Variants in FAM118A observed in about 807,000 individuals in gnomAD.
FAM118A encodes protein FAM118A.
A neutral mutation model predicts 38.2 loss-of-function variants in FAM118A; 25 were observed. That is an observed-to-expected ratio of 0.65 (90% CI 0.48 to 0.91). The LOEUF (loss-of-function observed/expected upper bound fraction) is 0.91, where lower values mean the gene tolerates loss of function less well. Among genes scored for constraint, FAM118A ranks in the 40% least tolerant of loss-of-function variants. FAM118A has a pLI of 0.00. For missense variants in FAM118A, 425 were observed against 463.3 expected, an observed-to-expected ratio of 0.92 and a Z score of 0.76; for synonymous variants, 178 against 184.1, an observed-to-expected ratio of 0.97 and a Z score of 0.27.
intron 1 of FAM118A, among the ~76,000 whole-genome samples, chr22:45,311,358 TCC>T (rs1430416003): frequency 1.3e-5 from 2 of 152,086 alleles, no homozygotes; most frequent in Non-Finnish European, 2.9e-5. Flanking sequence ...CCAGCTTTGC[TCC>T]CGGAGGCCCA....
intron 5 of FAM118A, among the ~76,000 whole-genome samples, chr22:45,331,837 G>A (rs1056251704): frequency 6.6e-6 from 1 of 152,072 alleles, no homozygotes; most frequent in Non-Finnish European, 1.5e-5. Flanking sequence ...CTGCCTGAGT[G>A]ACCCCATGCA....
At chr22:45,337,671 G>A (rs1356331125) in intron 8 of FAM118A, among the ~76,000 whole-genome samples, 2 of 151,876 alleles carry the variant, frequency 1.3e-5, no homozygotes, top group African/African-American at 2.4e-5. Flanking sequence ...TCTCCTGGTC[G>A]GCTCCGCTGG....
chr22:45,332,581 C>G lies in FAM118A; in HGVS notation c.808C>G (p.His270Asp). Residue 270 changes from histidine to aspartate, a missense_variant, in exon 6 of 9, where the codon CAT becomes GAT. By Grantham distance (81) the His-to-Asp change is moderately conservative. Transcript: ENST00000441876. ...GCTTGTGCTGAAGGAGAATGAAGAC[C>G]ATTTCTTTAAGCATCAGGCAGATAT... The part of the protein sequence containing the change: ...YMLVLKENED[H>D]FFKHQADMLL... The G allele has an allele frequency of 1.2e-6, 2 of 1,614,088 alleles. No homozygotes were observed. The highest frequency in any genetic ancestry group is 1.1e-5 in the South Asian group (1 of 91,080).
intron 4 of FAM118A, chr22:45,329,978 G>A (rs1032518317): frequency 3.3e-5 from 5 of 152,214 alleles, no homozygotes; most frequent in African/African-American, 7.2e-5. Flanking sequence ...TCTGTATCTT[G>A]AACTGAAAGG....
intron 6 of FAM118A, among the ~76,000 whole-genome samples, chr22:45,334,738 A>G (rs997479074): frequency 1.3e-5 from 2 of 152,212 alleles, no homozygotes; most frequent in African/African-American, 4.8e-5. Flanking sequence ...GCCTGACTGC[A>G]GAGCAAAATA....
intron 8 of FAM118A, among the ~76,000 whole-genome samples, chr22:45,340,048 ATTC>A (rs1359948081): frequency 6.6e-6 from 1 of 152,240 alleles, no homozygotes; most frequent in Non-Finnish European, 1.5e-5. Flanking sequence ...CGACAGGCTT[ATTC>A]TTCTCCATAC....
chr22:45,314,604 A>T (rs1348584114), intron 1 of FAM118A, among the ~76,000 whole-genome samples: 1 of 152,210 alleles, frequency 6.6e-6, no homozygotes, highest in East Asian at 1.9e-4. Flanking sequence ...AACCTTTAAG[A>T]TCCTGCCCGC....
At chr22:45,313,324 T>G (rs888195801) in intron 1 of FAM118A, among the ~76,000 whole-genome samples, 22 of 149,888 alleles carry the variant, frequency 1.5e-4, no homozygotes, top group African/African-American at 5.2e-4. Flanking sequence ...TGAGGGTTTT[T>G]TTTTTTTTTT....
Position 45,327,978 on chromosome 22 carries a change from C to A in FAM118A, c.437C>A (p.Thr146Asn). 6.2e-7 allele frequency: 1 copy of A among 1,613,892 alleles called. No individual in the cohort carries two copies. The highest frequency in any genetic ancestry group is 8.5e-7 in the Non-Finnish European group (1 of 1,179,944). The change falls in exon 4 of 9, where the codon ACC becomes AAC. Residue 146 changes from threonine (T) to asparagine (N), a missense_variant. Physicochemically the swap from Thr to Asn is moderately conservative, Grantham distance 65. Coordinates refer to ENST00000441876, the MANE Select transcript of FAM118A (RefSeq NM_017911.4). The stretch of plus-strand genomic sequence containing the variant: ...ATGGACAGGGGCGCCATGGTCCTGA[C>A]CACCAACTATGACAACCTGCTGGAG... ...SLMDRGAMVL[T>N]TNYDNLLEAF... is the part of the protein sequence containing the mutation.
intron 3 of FAM118A, among the ~76,000 whole-genome samples, chr22:45,323,640 G>T (rs1261483409): frequency 6.6e-6 from 1 of 152,204 alleles, no homozygotes; most frequent in Admixed American, 6.5e-5. Flanking sequence ...TCCTAAAGTA[G>T]CTCCTATTAA....
intron 8 of FAM118A, among the ~76,000 whole-genome samples, chr22:45,339,272 T>A (rs2086314946): frequency 6.6e-6 from 1 of 152,030 alleles, no homozygotes. Flanking sequence ...GGCGGGCGCC[T>A]ACTGTAGTCC....
chr22:45,313,379 A>G (rs927146852), intron 1 of FAM118A, among the ~76,000 whole-genome samples: 5 of 147,032 alleles, frequency 3.4e-5, no homozygotes, highest in Admixed American at 7.0e-5. Flanking sequence ...CTGGAGTGCA[A>G]TGGTGCGATC....
At chr22:45,334,557 C>T (rs981234400) in intron 6 of FAM118A, among the ~76,000 whole-genome samples, 1 of 152,158 alleles carries the variant, frequency 6.6e-6, no homozygotes, top group African/African-American at 2.4e-5. Context: ...AAGAAAAGAG[C>T]TCCTGCTTGC....
intron 1 of FAM118A, among the ~76,000 whole-genome samples, chr22:45,311,900 A>G (rs773178373): frequency 6.6e-6 from 1 of 151,670 alleles, no homozygotes; most frequent in Non-Finnish European, 1.5e-5. Flanking sequence ...TTTTTGTCCT[A>G]TTACCGTAGG....
In FAM118A at chr22:45,327,911, C is replaced by T; in HGVS notation, c.370C>T (p.His124Tyr). ...GGAGGTGTTTGACGACCTGGAGCAG[C>T]ACATCCGGAGTCCTGTGGTGCTGCA... ...LMEVFDDLEQ[H>Y]IRSPVVLQSI... is the part of the protein sequence containing the mutation. The change falls in exon 4 of 9, where the codon CAC (histidine) becomes TAC (tyrosine). Residue 124 changes from histidine (H) to tyrosine (Y), a missense_variant. Transcript: ENST00000441876. The T allele has an allele frequency of 6.2e-7, 1 of 1,614,254 alleles. No individual in the cohort carries two copies. The highest frequency in any genetic ancestry group is 8.5e-7 in the Non-Finnish European group (1 of 1,180,056).
intron 6 of FAM118A, among the ~76,000 whole-genome samples, chr22:45,334,128 G>A (rs965667808): frequency 6.6e-6 from 1 of 152,176 alleles, no homozygotes; most frequent in Non-Finnish European, 1.5e-5. Context: ...CTTTTAAGTA[G>A]TGCTCCTTGG....
At chr22:45,326,466 T>C (rs187368053) in intron 3 of FAM118A, among the ~76,000 whole-genome samples, 117 of 152,230 alleles carry the variant, frequency 7.7e-4, no homozygotes, top group African/African-American at 2.6e-3. Context: ...GGTGGGCAGA[T>C]CACTTGAGGG....
rs1036993450 is a variant in FAM118A, at chr22:45,327,751, G to A, written c.301-91G>A. ...CAGATTTTCTTTGTTTTCAGCCGCT[G>A]TATCTCTGGCACCCAGAAAATGGCC... is the stretch of plus-strand genomic sequence containing the variant. On this transcript the variant is annotated intron_variant, in intron 3 of 8. Coordinates refer to ENST00000441876, the MANE Select transcript of FAM118A (RefSeq NM_017911.4). 1.2e-5 allele frequency: 16 copies of A among 1,318,270 alleles called. No individual in the cohort carries two copies. In the South Asian group the frequency reaches 2.0e-4, roughly 16 times the overall value. The allele number at this position is 1,318,270 out of a possible 1,614,324, so 81.7% of individuals were successfully genotyped here. A position where few individuals can be genotyped will look rare whatever the true frequency, so the allele number is the denominator to read the frequency against.
intron 8 of FAM118A, 24 bp downstream of exon 8, chr22:45,336,435 G>C: frequency 6.3e-7 from 1 of 1,593,306 alleles, no homozygotes; most frequent in Non-Finnish European, 8.6e-7. Flanking sequence ...TCTTTTTGTG[G>C]GGAGCTGCCT....
Sources: gnomAD v4.1 joint callset for allele counts (sites outside exome capture counted in the v4.1 genomes callset) on GRCh38, gnomAD v4.1.1 for gene constraint, MANE v1.5 for transcripts, NCBI Gene and HGNC (gene_info 2026-07-23, HGNC 2026-07-21) for gene names.